The following PDK1 variants were observed in gnomAD, a reference collection of about 807,000 sequenced individuals.
PDK1 encodes pyruvate dehydrogenase kinase 1.
In PDK1, 39 loss-of-function variants were observed where a neutral mutation model predicts 54.2. The ratio of observed to expected loss-of-function variants is 0.72; its 90% CI spans 0.56 to 0.94. PDK1 has a LOEUF of 0.94. Ranked by LOEUF, PDK1 falls within the 40% of genes least tolerant of loss-of-function variation. The probability of loss-of-function intolerance (pLI) is 0.00; values close to 1 mark genes in which losing one functional copy is unlikely to be tolerated. For missense variants in PDK1, 552 were observed against 566.0 expected, an observed-to-expected ratio of 0.98 and a Z score of 0.25; for synonymous variants, 221 against 207.1, an observed-to-expected ratio of 1.07 and a Z score of -0.58.
the PDK1 span, among the ~76,000 whole-genome samples, chr2:172,667,236 C>A: frequency 3.7e-3 from 557 of 152,194 alleles, 8 homozygotes; most frequent in East Asian, 0.015. Context: ...GGTCAGAAAG[C>A]AGAGGGAATG....
the PDK1 span, among the ~76,000 whole-genome samples, chr2:172,620,506 G>A: frequency 3.9e-5 from 6 of 152,082 alleles, no homozygotes; most frequent in East Asian, 7.7e-4. Context: ...AATGAGACCC[G>A]TCATCCTATG....
In PDK1 at chr2:172,606,392, T is replaced by A. The variant is rs1250873631; in HGVS notation, c.*10423T>A. The A allele has an allele frequency of 6.6e-6, 1 of 152,222 alleles. No individual in the cohort carries two copies. Among genetic ancestry groups the A allele is most frequent in the Non-Finnish European group, 1.5e-5 (1 of 68,038 alleles). The allele number at this position is 152,222 out of a possible 1,614,324, so 9.4% of individuals were successfully genotyped here. ...ACCATTTTTGTGGAAGCCCACAACC[T>A]TTTGAATGGCCTTTCTATACTTTAG... is the stretch of plus-strand genomic sequence containing the variant. On this transcript the variant is annotated 3_prime_UTR_variant, in exon 11 of 11. Coordinates refer to ENST00000282077, the MANE Select transcript of PDK1 (RefSeq NM_002610.5).
the PDK1 span, among the ~76,000 whole-genome samples, chr2:172,698,717 C>T: frequency 6.6e-6 from 1 of 152,198 alleles, no homozygotes; most frequent in Non-Finnish European, 1.5e-5. Flanking sequence ...AGGAACCACA[C>T]TGAGAACTAC....
At chr2:172,682,905 G>A in the PDK1 span, among the ~76,000 whole-genome samples, 1 of 152,170 alleles carries the variant, frequency 6.6e-6, no homozygotes, top group Non-Finnish European at 1.5e-5. Flanking sequence ...TTTGAAGGTA[G>A]AGCCCATAGA....
chr2:172,595,479 A>G (rs1225224082), intron 10 of PDK1, among the ~76,000 whole-genome samples: 3 of 152,350 alleles, frequency 2.0e-5, no homozygotes, highest in African/African-American at 7.2e-5. Context: ...ATTAAGATAC[A>G]TATATCGATT....
rs1294293650 is a variant in PDK1, at chr2:172,601,900, A to G, written c.*5931A>G. On this transcript the variant is annotated 3_prime_UTR_variant, in exon 11 of 11. Coordinates refer to ENST00000282077, the MANE Select transcript of PDK1 (RefSeq NM_002610.5). ...GATTTAAAATAATCATAAGAATACC[A>G]TTAACTTTATGATAAAAATTTTGTA... is the stretch of plus-strand genomic sequence containing the variant. The G allele has an allele frequency of 2.6e-5, 4 of 152,222 alleles. No homozygotes were observed. Among genetic ancestry groups the G allele is most frequent in the Non-Finnish European group, 5.9e-5 (4 of 68,038 alleles). 9.4% of individuals were successfully genotyped at this position (152,222 alleles called of 1,614,324 possible).
At chr2:172,646,211 CA>C in the PDK1 span, among the ~76,000 whole-genome samples, 1 of 152,164 alleles carries the variant, frequency 6.6e-6, no homozygotes, top group East Asian at 1.9e-4. Context: ...GAGTGATTCT[CA>C]TACAAAAGGA....
At chr2:172,556,368 G>A in intron 1 of PDK1, 22 bp downstream of exon 1, 1 of 1,402,110 alleles carries the variant, frequency 7.1e-7, no homozygotes, top group Non-Finnish European at 9.3e-7. Context: ...CCGGGACCTT[G>A]GGCCTTTTTG....
the PDK1 span, among the ~76,000 whole-genome samples, chr2:172,641,368 A>G: frequency 1.3e-5 from 2 of 151,742 alleles, no homozygotes; most frequent in Admixed American, 1.3e-4. Context: ...CCTGGCCTCA[A>G]GTGATCTTCC....
chr2:172,724,134 A>G, the PDK1 span: 2 of 152,152 alleles, frequency 1.3e-5, no homozygotes, highest in African/African-American at 4.8e-5. Context: ...TAATACTTCA[A>G]TGTGCATCTC....
chr2:172,722,595 G>A, the PDK1 span, among the ~76,000 whole-genome samples: 2 of 152,196 alleles, frequency 1.3e-5, no homozygotes, highest in Admixed American at 6.5e-5. Context: ...GCTGTGTTGG[G>A]AAATTGTCTG....
In PDK1 at chr2:172,606,409, ATACTT is replaced by A. The variant is rs1223291346; in HGVS notation, c.*10443_*10447del. On this transcript the variant is annotated 3_prime_UTR_variant, in exon 11 of 11. Coordinates refer to ENST00000282077, the MANE Select transcript of PDK1 (RefSeq NM_002610.5). ...CCACAACCTTTTGAATGGCCTTTCT[ATACTT>A]TAGTGAACCTCCATGTTATGAACCT... 2 of 152,220 alleles carry A rather than the reference ATACTT, an allele frequency of 1.3e-5. No individual in the cohort carries two copies. The highest frequency in any genetic ancestry group is 4.8e-5 in the African/African-American group (2 of 41,466). The allele number at this position is 152,220 out of a possible 1,614,324, so 9.4% of individuals were successfully genotyped here.
the PDK1 span, among the ~76,000 whole-genome samples, chr2:172,641,152 G>A: frequency 8.4e-6 from 1 of 119,596 alleles, no homozygotes; most frequent in Admixed American, 1.1e-4. Flanking sequence ...CTTCTTTTGA[G>A]ACAGTCTTGC....
chr2:172,556,309 G>A lies in PDK1; in HGVS notation c.159G>A (p.Ser53=), dbSNP rs2149169902. The part of the protein sequence containing the change: ...PGQVDFYARF[S]PSPLSMKQFL... ...AGGTGGACTTCTACGCGCGCTTCTC[G>A]CCGTCCCCGCTCTCCATGAAGCAGT... The change falls in exon 1 of 11, where the codon TCG becomes TCA. Residue 53 remains serine (S), a synonymous_variant. Coordinates refer to ENST00000282077, the MANE Select transcript of PDK1 (RefSeq NM_002610.5). 6.7e-7 allele frequency: 1 copy of A among 1,501,228 alleles called. No homozygotes were observed. 93.0% of individuals were successfully genotyped at this position (1,501,228 alleles called of 1,614,324 possible).
In PDK1 at chr2:172,572,082, G is replaced by A. The variant is rs924038517; in HGVS notation, c.945+1258G>A. Among the ~76,000 whole-genome samples the A allele has an allele frequency of 2.0e-5, 3 of 151,874 alleles. No homozygotes were observed. The East Asian group carries it at 5.8e-4, about 29-fold the overall frequency. On this transcript the variant is annotated intron_variant, in intron 8 of 10. Transcript: ENST00000282077. ...CGACCTCGTGTTATCCGCCTGCCTC[G>A]GCCTCCCGAAGTGCTGGGATTACAG...
At chr2:172,628,471 G>A in the PDK1 span, among the ~76,000 whole-genome samples, 10 of 152,010 alleles carry the variant, frequency 6.6e-5, no homozygotes, top group African/African-American at 2.2e-4. Context: ...CTTGATCCCT[G>A]CCCCCCACTT....
At chr2:172,646,763 G>C in the PDK1 span, among the ~76,000 whole-genome samples, 3 of 23,036 alleles carry the variant, frequency 1.3e-4, no homozygotes, top group Non-Finnish European at 3.0e-4. Flanking sequence ...TTGAGATAGA[G>C]TTTTGCTCAT....
chr2:172,660,627 A>T, the PDK1 span, among the ~76,000 whole-genome samples: 251 of 152,092 alleles, frequency 1.7e-3, no homozygotes, highest in African/African-American at 5.8e-3. Context: ...TGTTCTTTTA[A>T]TGGGCTAACA....
the PDK1 span, among the ~76,000 whole-genome samples, chr2:172,640,879 T>C: frequency 6.6e-6 from 1 of 152,148 alleles, no homozygotes; most frequent in Non-Finnish European, 1.5e-5. Context: ...AAAATCCAAA[T>C]ATACAGGGGA....
Sources: gnomAD v4.1 joint callset for allele counts (sites outside exome capture counted in the v4.1 genomes callset) on GRCh38, gnomAD v4.1.1 for gene constraint, MANE v1.5 for transcripts, NCBI Gene and HGNC (gene_info 2026-07-23, HGNC 2026-07-21) for gene names.